The following RPH3A variants were observed in gnomAD, a reference collection of about 807,000 sequenced individuals.
RPH3A encodes rabphilin 3A.
A neutral mutation model predicts 102.2 loss-of-function variants in RPH3A; 48 were observed. That is an observed-to-expected ratio of 0.47 (90% CI 0.37 to 0.60). RPH3A has a LOEUF of 0.60. RPH3A is among the 20% of genes least tolerant of loss of function. The pLI, the probability that RPH3A is intolerant of heterozygous loss-of-function variation, is 0.00. For missense variants in RPH3A, 781 were observed against 910.1 expected, an observed-to-expected ratio of 0.86 and a Z score of 1.83; for synonymous variants, 310 against 324.3, an observed-to-expected ratio of 0.96 and a Z score of 0.47.
intron 3 of RPH3A, among the ~76,000 whole-genome samples, chr12:112,830,057 T>G (rs940145165): frequency 2.6e-5 from 4 of 152,218 alleles, no homozygotes; most frequent in African/African-American, 7.2e-5. Flanking sequence ...TAATTTCTAT[T>G]AAATAATCCT....
chr12:112,724,393 T>C lies in RPH3A; in HGVS notation c.-139-67750T>C, dbSNP rs112977896. Reference sequence around the variant, plus strand: ...ATTTTTTTAATATTTTTTGGCAGTTTATCTTCAAGTTTATTCAAATGGTTG... The same window carrying C: ...ATTTTTTTAATATTTTTTGGCAGTTCATCTTCAAGTTTATTCAAATGGTTG... On this transcript the variant is annotated intron_variant, in intron 1 of 21. Transcript: ENST00000543106. 3.1e-3 allele frequency among the ~76,000 whole-genome samples: 472 copies of C among 152,266 alleles called. 6 individuals are homozygous for C. The highest frequency in any genetic ancestry group is 0.011 in the African/African-American group (458 of 41,544).
intron 1 of RPH3A, among the ~76,000 whole-genome samples, chr12:112,732,097 C>G (rs2040638702): frequency 6.6e-6 from 1 of 152,162 alleles, no homozygotes; most frequent in Admixed American, 6.5e-5. Context: ...GATCTAATCG[C>G]AAACAAGCGT....
intron 1 of RPH3A, among the ~76,000 whole-genome samples, chr12:112,727,498 C>T (rs1337427537): frequency 1.0e-5 from 1 of 96,004 alleles, no homozygotes; most frequent in Non-Finnish European, 2.1e-5. Context: ...CACAGACCCC[C>T]CCCCCCCACA....
chr12:112,804,755 TA>T (rs1342297743), intron 2 of RPH3A, among the ~76,000 whole-genome samples: 3 of 152,232 alleles, frequency 2.0e-5, no homozygotes, highest in African/African-American at 7.2e-5. Context: ...AGATATCTCC[TA>T]GGGTTCTTGT....
At chr12:112,879,236 G>A (rs749643548) in intron 14 of RPH3A, 38 bp downstream of exon 14, 1 of 1,563,510 alleles carries the variant, frequency 6.4e-7, no homozygotes, top group African/African-American at 1.4e-5. Flanking sequence ...CTCTCAGGAT[G>A]CTCTGGCATG....
chr12:112,832,310 A>G (rs1657991970), intron 3 of RPH3A, among the ~76,000 whole-genome samples: 1 of 152,242 alleles, frequency 6.6e-6, no homozygotes, highest in African/African-American at 2.4e-5. Flanking sequence ...TTTATTTCTA[A>G]AAATTATTCA....
chr12:112,799,949 C>T (rs1269396134), intron 2 of RPH3A, among the ~76,000 whole-genome samples: 1 of 152,148 alleles, frequency 6.6e-6, no homozygotes, highest in Non-Finnish European at 1.5e-5. Flanking sequence ...CTGTGAGAAC[C>T]CCTGCTCTAG....
intron 16 of RPH3A, among the ~76,000 whole-genome samples, chr12:112,883,665 G>T (rs1253294768): frequency 6.6e-6 from 1 of 152,146 alleles, no homozygotes; most frequent in African/African-American, 2.4e-5. Flanking sequence ...TGGTGCGTGT[G>T]TGGGTGTGTA....
At chr12:112,838,471 G>T (rs374040220) in intron 4 of RPH3A, among the ~76,000 whole-genome samples, 23 of 152,200 alleles carry the variant, frequency 1.5e-4, no homozygotes, top group Admixed American at 1.1e-3. Flanking sequence ...CTGTGGTGTG[G>T]CTGCCCCTCC....
intron 1 of RPH3A, among the ~76,000 whole-genome samples, chr12:112,748,291 T>C (rs2040762035): frequency 1.3e-5 from 2 of 152,186 alleles, no homozygotes; most frequent in African/African-American, 4.8e-5. Flanking sequence ...TCATGCGGAA[T>C]GTTTAAAACA....
At chr12:112,597,008 T>A (rs1427150084) in intron 1 of RPH3A, among the ~76,000 whole-genome samples, 1 of 152,246 alleles carries the variant, frequency 6.6e-6, no homozygotes, top group Non-Finnish European at 1.5e-5. Context: ...TTTCCTTTTT[T>A]CTACTGTTTG....
chr12:112,603,532 C>T (rs1398964065), intron 1 of RPH3A, among the ~76,000 whole-genome samples: 2 of 151,802 alleles, frequency 1.3e-5, no homozygotes, highest in South Asian at 2.1e-4. Flanking sequence ...AGGATAACAA[C>T]AAAAACAAAA....
At chr12:112,774,333 C>T (rs2040949639) in intron 1 of RPH3A, among the ~76,000 whole-genome samples, 1 of 152,154 alleles carries the variant, frequency 6.6e-6, no homozygotes, top group South Asian at 2.1e-4. Flanking sequence ...GTCACTGACA[C>T]ATAATGTATT....
chr12:112,778,557 C>A (rs189897105), intron 1 of RPH3A, among the ~76,000 whole-genome samples: 5 of 152,132 alleles, frequency 3.3e-5, no homozygotes, highest in African/African-American at 1.2e-4. Flanking sequence ...ACAACAACAA[C>A]AAAAGGCAGG....
At chr12:112,724,330 G>T (rs2040572353) in intron 1 of RPH3A, among the ~76,000 whole-genome samples, 1 of 152,102 alleles carries the variant, frequency 6.6e-6, no homozygotes, top group Non-Finnish European at 1.5e-5. Context: ...CTCTGAAAGT[G>T]CTGGACTTAC....
chr12:112,743,401 C>T (rs116167582), intron 1 of RPH3A, among the ~76,000 whole-genome samples: 2,431 of 152,304 alleles, frequency 0.016, 52 homozygotes, highest in African/African-American at 0.055. Context: ...ATTTGTTTCC[C>T]ATCAGAGAGA....
chr12:112,673,224 T>TTCTCTCC (rs1404772537), intron 1 of RPH3A, among the ~76,000 whole-genome samples: 6 of 152,198 alleles, frequency 3.9e-5, no homozygotes, highest in Non-Finnish European at 8.8e-5. Flanking sequence ...CACTTTGTTG[T>TTCTCTCC]TCTCTCCTTT....
chr12:112,858,266 C>CAAAAAAAAAAA (rs1164602599), intron 5 of RPH3A, among the ~76,000 whole-genome samples: 34 of 44,778 alleles, frequency 7.6e-4, no homozygotes, highest in South Asian at 1.5e-3. Context: ...GACCCTGTCT[C>CAAAAAAAAAAA]AAAAAAAAAA....
intron 1 of RPH3A, among the ~76,000 whole-genome samples, chr12:112,711,259 C>T (rs1009569572): frequency 8.5e-5 from 13 of 152,098 alleles, no homozygotes; most frequent in Non-Finnish European, 1.5e-4. Flanking sequence ...AATAAGCTCC[C>T]GGAGTGTTTC....
Sources: gnomAD v4.1 joint callset for allele counts (sites outside exome capture counted in the v4.1 genomes callset) on GRCh38, gnomAD v4.1.1 for gene constraint, MANE v1.5 for transcripts, NCBI Gene and HGNC (gene_info 2026-07-23, HGNC 2026-07-21) for gene names.